STX7: variants seen among roughly 807,000 people sequenced by gnomAD.
STX7 encodes syntaxin 7.
In STX7, 34 loss-of-function variants were observed where a neutral mutation model predicts 39.6. That is an observed-to-expected ratio of 0.86 (90% CI 0.65 to 1.14). The LOEUF is 1.14. Ranked by LOEUF, STX7 falls within the 50% of genes most tolerant of loss-of-function variation. The pLI, the probability that STX7 is intolerant of heterozygous loss-of-function variation, is 0.00. For synonymous variants in STX7, 119 were observed against 99.1 expected (o/e 1.20, Z -1.19); for missense variants, 284 against 310.4 (o/e 0.92, Z 0.64).
chr6:132,493,728 T>C (rs1419439067), intron 2 of STX7, among the ~76,000 whole-genome samples: 1 of 152,190 alleles, frequency 6.6e-6, no homozygotes, highest in East Asian at 1.9e-4. Flanking sequence ...GTTCAGTAAT[T>C]GGTGAAAACA....
chr6:132,470,045 T>G lies in STX7; in HGVS notation c.443A>C (p.Gln148Pro). ...KERNLVSWES[Q>P]TQPQVQVQDE... ...CTGCACCTGCACTTGAGGTTGAGTT[T>G]GGCTAACAGAAAAAAATGAATGTGG... The change falls in exon 7 of 10, where the codon CAA becomes CCA. Residue 148 changes from glutamine to proline, a missense_variant and splice_region_variant. By Grantham distance (76) the Gln-to-Pro change is moderately conservative. Transcript: ENST00000367941. 1 of 1,575,396 alleles carries G rather than the reference T, an allele frequency of 6.3e-7. No homozygotes were observed. Among genetic ancestry groups the G allele is most frequent in the Non-Finnish European group, 8.6e-7 (1 of 1,168,594 alleles).
At position 132,458,614 on chromosome 6, in the gene STX7, C is replaced by T. The variant is rs1208069903; in HGVS notation, c.*2144G>A. On this transcript the variant is annotated 3_prime_UTR_variant, in exon 10 of 10. Transcript: ENST00000367941. ...CTAATTTTAATCTCCACAGGGCAACCTTCACTTTTCACAGCAGTTCTAAAA... is the reference window on the plus strand; with the variant it reads ...CTAATTTTAATCTCCACAGGGCAACTTTCACTTTTCACAGCAGTTCTAAAA... The T allele has an allele frequency of 6.6e-6, 1 of 152,190 alleles. No individual in the cohort carries two copies. Among genetic ancestry groups the T allele is most frequent in the Non-Finnish European group, 1.5e-5 (1 of 68,038 alleles). 9.4% of individuals were successfully genotyped at this position (152,190 alleles called of 1,614,324 possible).
intron 2 of STX7, among the ~76,000 whole-genome samples, chr6:132,480,971 G>C (rs1775001938): frequency 6.6e-6 from 1 of 152,148 alleles, no homozygotes; most frequent in Non-Finnish European, 1.5e-5. Context: ...CTGAGACACT[G>C]TTCCACAGGC....
chr6:132,470,734 C>T (rs944184606), intron 5 of STX7, 108 bp from the exon 6 acceptor site: 14 of 731,440 alleles, frequency 1.9e-5, no homozygotes, highest in African/African-American at 7.1e-5. Flanking sequence ...GATTTATGTA[C>T]GTGTCTGTGT....
rs1191340491 is a variant in STX7 at position 132,468,608 on chromosome 6, T to C, written c.538-133A>G. The C allele has an allele frequency of 5.6e-6, 3 of 539,606 alleles. No homozygotes were observed. In the African/African-American group the frequency reaches 6.0e-5, roughly 11 times the overall value. The allele number at this position is 539,606 out of a possible 1,614,324, so 33.4% of individuals were successfully genotyped here. On this transcript the variant is annotated intron_variant, in intron 7 of 9. Transcript: ENST00000367941. ...ATCTATAATACACAAATATAATACATAAACTTTGGAAATATCAGGAAAATA... is the reference window on the plus strand; with the variant it reads ...ATCTATAATACACAAATATAATACACAAACTTTGGAAATATCAGGAAAATA...
chr6:132,502,160 TTC>T (rs1225450258), intron 2 of STX7, among the ~76,000 whole-genome samples: 1 of 152,226 alleles, frequency 6.6e-6, no homozygotes, highest in Non-Finnish European at 1.5e-5. Flanking sequence ...TCTAGTTTTA[TTC>T]TCTTTGCTCC....
chr6:132,475,058 C>T (rs1394508619), intron 3 of STX7, among the ~76,000 whole-genome samples: 1 of 151,644 alleles, frequency 6.6e-6, no homozygotes, highest in Non-Finnish European at 1.5e-5. Flanking sequence ...TCAAAAACAA[C>T]CTACCTAAAA....
In STX7 at chr6:132,450,099, A is replaced by G. The variant is rs567222518; in HGVS notation, c.*10659T>C. The G allele has an allele frequency of 7.5e-6, 1 of 132,816 alleles. No individual in the cohort carries two copies. Among genetic ancestry groups the G allele is most frequent in the East Asian group, 4.0e-4 (1 of 2,528 alleles). 8.2% of individuals were successfully genotyped at this position (132,816 alleles called of 1,614,324 possible). A position where few individuals can be genotyped will look rare whatever the true frequency, so the allele number is the denominator to read the frequency against. ...AGAGGCACAGTTTTCCTGTTTCTCA[A>G]CTACTTTAATTTTAGCCCACTCTCA... On this transcript the variant is annotated 3_prime_UTR_variant, in exon 10 of 10. Transcript: ENST00000367941.
At chr6:132,497,951 A>G (rs777118353) in intron 2 of STX7, among the ~76,000 whole-genome samples, 1 of 152,218 alleles carries the variant, frequency 6.6e-6, no homozygotes, top group Non-Finnish European at 1.5e-5. Flanking sequence ...ACCTGTGATA[A>G]CAAACGATTT....
chr6:132,480,190 G>A (rs113588364), intron 2 of STX7, among the ~76,000 whole-genome samples: 3 of 151,992 alleles, frequency 2.0e-5, no homozygotes, highest in South Asian at 2.1e-4. Context: ...AAAAATTAAC[G>A]GTGTTCCAAG....
At position 132,453,631 on chromosome 6, in the gene STX7, C is replaced by T. The variant is rs1774185464; in HGVS notation, c.*7127G>A. ...AGAAAAGACATGAAGAAACATGTCA[C>T]TAAAGAAGAGATACAGGTGGCAAAT... On this transcript the variant is annotated 3_prime_UTR_variant, in exon 10 of 10. Coordinates refer to ENST00000367941, the MANE Select transcript of STX7 (RefSeq NM_003569.3). 1 of 151,648 alleles carries T rather than the reference C, an allele frequency of 6.6e-6. No homozygotes were observed. The allele number at this position is 151,648 out of a possible 1,614,324, so 9.4% of individuals were successfully genotyped here.
intron 1 of STX7, 105 bp from the exon 2 acceptor site, chr6:132,503,693 A>G (rs890111619): frequency 2.0e-6 from 1 of 508,266 alleles, no homozygotes. Flanking sequence ...TTAATCTAAT[A>G]GAGTTGAAAT....
At chr6:132,511,889 G>C (rs765492815) in intron 1 of STX7, among the ~76,000 whole-genome samples, 5 of 152,092 alleles carry the variant, frequency 3.3e-5, no homozygotes, top group Admixed American at 6.6e-5. Flanking sequence ...GATTGATTTT[G>C]TTATCAAGAG....
intron 8 of STX7, among the ~76,000 whole-genome samples, chr6:132,467,006 C>A (rs1475244049): frequency 6.6e-6 from 1 of 152,156 alleles, no homozygotes; most frequent in Non-Finnish European, 1.5e-5. Flanking sequence ...CCATCCTAAT[C>A]CAAGCCAACA....
At chr6:132,506,284 A>G (rs958009306) in intron 1 of STX7, among the ~76,000 whole-genome samples, 1 of 152,326 alleles carries the variant, frequency 6.6e-6, no homozygotes, top group Non-Finnish European at 1.5e-5. Context: ...TTGCACAGCA[A>G]AAGAAATAAT....
At position 132,470,054 on chromosome 6, in the gene STX7, G is replaced by A; in HGVS notation, c.441-7C>T. ...CACTTGAGGTTGAGTTTGGCTAACAGAAAAAAATGAATGTGGAAAAAAACA... is the reference window on the plus strand; with the variant it reads ...CACTTGAGGTTGAGTTTGGCTAACAAAAAAAAATGAATGTGGAAAAAAACA... On this transcript the variant is annotated splice_polypyrimidine_tract_variant and splice_region_variant and intron_variant, in intron 6 of 9. Transcript: ENST00000367941. 1 of 1,565,860 alleles carries A rather than the reference G, an allele frequency of 6.4e-7. No homozygotes were observed. Among genetic ancestry groups the A allele is most frequent in the Admixed American group, 2.1e-5 (1 of 47,474 alleles).
intron 2 of STX7, among the ~76,000 whole-genome samples, chr6:132,483,212 T>A (rs1242578769): frequency 1.3e-5 from 2 of 152,176 alleles, no homozygotes; most frequent in African/African-American, 4.8e-5. Flanking sequence ...GTTTCTAATA[T>A]AAAATGGCAT....
At chr6:132,470,259 G>C (rs1774680294) in intron 6 of STX7, among the ~76,000 whole-genome samples, 2 of 151,972 alleles carry the variant, frequency 1.3e-5, no homozygotes, top group Non-Finnish European at 2.9e-5. Context: ...TGTGAGTTTA[G>C]AGTTATTACT....
intron 2 of STX7, among the ~76,000 whole-genome samples, chr6:132,486,263 G>A (rs566249112): frequency 6.6e-6 from 1 of 152,142 alleles, no homozygotes; most frequent in Non-Finnish European, 1.5e-5. Context: ...AGTGGTGAGG[G>A]CAAGACATCC....
Sources: gnomAD v4.1 joint callset for allele counts (sites outside exome capture counted in the v4.1 genomes callset) on GRCh38, gnomAD v4.1.1 for gene constraint, MANE v1.5 for transcripts, NCBI Gene and HGNC (gene_info 2026-07-23, HGNC 2026-07-21) for gene names.